Variants in AGAP9 observed in about 807,000 individuals in gnomAD.
AGAP9 encodes the protein ArfGAP with GTPase domain, ankyrin repeat and PH domain 9.
AGAP9 carries 23 observed loss-of-function variants against 55.6 expected under a neutral mutation model. The observed-to-expected ratio is 0.41, with a 90% confidence interval of 0.30 to 0.59. The LOEUF (loss-of-function observed/expected upper bound fraction) is 0.59. AGAP9 is among the 20% of genes least tolerant of loss of function. The pLI is 0.25. For missense variants in AGAP9, 309 were observed against 808.1 expected (o/e 0.38, Z 7.49); for synonymous variants, 120 against 305.0 (o/e 0.39, Z 6.32).
Position 47,506,488 on chromosome 10 carries a change from G to A in AGAP9, c.533+1060C>T, listed in dbSNP as rs1246526879. Among the ~76,000 whole-genome samples, 22 of 138,642 alleles carry A rather than the reference G, an allele frequency of 1.6e-4. 1 individual carries two copies. Among genetic ancestry groups the A allele is most frequent in the East Asian group, 1.2e-3 (4 of 3,388 alleles). 91.0% of individuals were successfully genotyped at this position (138,642 alleles called of 152,430 possible). On this transcript the variant is annotated intron_variant, in intron 6 of 7. Coordinates refer to ENST00000452145, the MANE Select transcript of AGAP9 (RefSeq NM_001190810.1). ...TGGGACTACAGGCATGCACCACCAC[G>A]CCCAGCCATTTTTTGTACTTTCAGT... is the stretch of plus-strand genomic sequence containing the variant.
intron 5 of AGAP9, among the ~76,000 whole-genome samples, chr10:47,508,984 A>G (rs1448430900): frequency 2.3e-5 from 3 of 132,458 alleles, no homozygotes; most frequent in African/African-American, 1.0e-4. Context: ...CTTGAAGCCA[A>G]TTTGCCCTAT....
rs1263527312 is a variant in AGAP9 at position 47,519,372 on chromosome 10, G to T, written c.361+1127C>A. ...AGTCCCAACTACTCGGGAGGCTGAG[G>T]CAGGAGAATTGCTTGAACCTGGGAG... On this transcript the variant is annotated intron_variant, in intron 3 of 7. Coordinates refer to ENST00000452145, the MANE Select transcript of AGAP9 (RefSeq NM_001190810.1). Among the ~76,000 whole-genome samples the T allele has an allele frequency of 6.3e-3, 745 of 118,058 alleles. 26 individuals are homozygous for T. Among genetic ancestry groups the T allele is most frequent in the Non-Finnish European group, 8.7e-3 (505 of 58,296 alleles). The allele number at this position is 118,058 out of a possible 152,430, so 77.5% of individuals were successfully genotyped here.
chr10:47,521,309 A>G (rs1424825180), intron 2 of AGAP9, among the ~76,000 whole-genome samples: 1 of 140,054 alleles, frequency 7.1e-6, no homozygotes, highest in Non-Finnish European at 1.5e-5. Context: ...AGCAGAGTAT[A>G]AGTTTATACA....
chr10:47,506,341 CT>C (rs1471806931), intron 6 of AGAP9, among the ~76,000 whole-genome samples: 1 of 138,248 alleles, frequency 7.2e-6, no homozygotes, highest in Non-Finnish European at 1.6e-5. Flanking sequence ...TTCTTTTTCT[CT>C]TTTTTTGAGA....
chr10:47,512,324 TA>T lies in AGAP9; in HGVS notation c.397-2054del, dbSNP rs1840642029. ...CCTGCTGCCTCTCATTTTAACCCAT[TA>T]AAAATACTAAAGTTGTTTTCCTTGT... On this transcript the variant is annotated intron_variant, in intron 4 of 7. Transcript: ENST00000452145. 1.6e-5 allele frequency among the ~76,000 whole-genome samples: 2 copies of T among 127,172 alleles called. 1 individual carries two copies. Among genetic ancestry groups the T allele is most frequent in the African/African-American group, 5.6e-5 (2 of 35,950 alleles). The allele number at this position is 127,172 out of a possible 152,430, so 83.4% of individuals were successfully genotyped here. A position where few individuals can be genotyped will look rare whatever the true frequency, so the allele number is the denominator to read the frequency against.
chr10:47,509,122 G>GA (rs1165126258), intron 5 of AGAP9, among the ~76,000 whole-genome samples: 3 of 136,300 alleles, frequency 2.2e-5, no homozygotes. Context: ...GAATAATGAG[G>GA]AAAAAAGCAC....
chr10:47,513,265 C>G (rs1487147489), intron 4 of AGAP9, among the ~76,000 whole-genome samples: 2 of 144,758 alleles, frequency 1.4e-5, no homozygotes, highest in Non-Finnish European at 3.0e-5. Flanking sequence ...GAACTCCTGA[C>G]CTCATGATCC....
chr10:47,518,588 G>C (rs1205749952), intron 3 of AGAP9, among the ~76,000 whole-genome samples: 1 of 111,520 alleles, frequency 9.0e-6, no homozygotes, highest in Non-Finnish European at 1.8e-5. Flanking sequence ...ATTTTTTTTT[G>C]TATTTTTAGT....
intron 3 of AGAP9, among the ~76,000 whole-genome samples, chr10:47,519,883 G>A (rs1252697936): frequency 1.5e-3 from 1 of 680 alleles, no homozygotes; most frequent in South Asian, 0.024. Context: ...TGTATGGCTT[G>A]TTGGCAAATA....
At chr10:47,519,742 G>A (rs1840787775) in intron 3 of AGAP9, among the ~76,000 whole-genome samples, 1 of 12,636 alleles carries the variant, frequency 7.9e-5, no homozygotes, top group Admixed American at 9.9e-4. Context: ...CTCAAGATGG[G>A]CAAAGTCTAC....
chr10:47,511,134 G>A lies in AGAP9; in HGVS notation c.397-863C>T, dbSNP rs1323877251. ...AACTTTTTGTATTTTTAGTAGAGAC[G>A]GGGTTTCACCGTGTTAGCCAGGATG... is the stretch of plus-strand genomic sequence containing the variant. On this transcript the variant is annotated intron_variant, in intron 4 of 7. Transcript: ENST00000452145. Among the ~76,000 whole-genome samples, 300 of 131,846 alleles carry A rather than the reference G, an allele frequency of 2.3e-3. 38 individuals are homozygous for A. Among genetic ancestry groups the A allele is most frequent in the Non-Finnish European group, 3.4e-3 (216 of 63,824 alleles). 86.5% of individuals were successfully genotyped at this position (131,846 alleles called of 152,430 possible).
intron 5 of AGAP9, among the ~76,000 whole-genome samples, chr10:47,508,066 T>C (rs1380783353): frequency 7.5e-6 from 1 of 133,882 alleles, no homozygotes; most frequent in African/African-American, 2.7e-5. Context: ...AGATAATTTT[T>C]TTTTTGGGGG....
At chr10:47,513,091 A>G (rs1276400686) in intron 4 of AGAP9, among the ~76,000 whole-genome samples, 2 of 144,720 alleles carry the variant, frequency 1.4e-5, no homozygotes, top group Admixed American at 1.4e-4. Flanking sequence ...GGAGTATGCA[A>G]TGCGGTGATC....
intron 5 of AGAP9, among the ~76,000 whole-genome samples, chr10:47,508,531 CG>C (rs1251786329): frequency 8.7e-6 from 1 of 115,344 alleles, no homozygotes; most frequent in Non-Finnish European, 1.7e-5. Context: ...AGCAGTTTCT[CG>C]TCCTAAACTC....
At chr10:47,516,690 C>G (rs1840721708) in intron 4 of AGAP9, among the ~76,000 whole-genome samples, 1 of 134,358 alleles carries the variant, frequency 7.4e-6, no homozygotes, top group South Asian at 2.3e-4. Context: ...TGACAAAAGG[C>G]CAAAGAAAGT....
rs1427653191 is a variant in AGAP9 at position 47,503,196 on chromosome 10, G to A, written c.933C>T (p.Gly311=). ...CTAAGCTTGAATAATAGGTGAGCAC[G>A]CCATTGGAACACAGGGTGACGTATT... ...KKKYVTLCSN[G]VLTYYSSLGD... Residue 311 remains glycine (G), a synonymous_variant, in exon 8 of 8, where the codon GGC becomes GGT. Coordinates refer to ENST00000452145, the MANE Select transcript of AGAP9 (RefSeq NM_001190810.1). 52 of 1,602,450 alleles carry A rather than the reference G, an allele frequency of 3.2e-5. No individual in the cohort carries two copies. The highest frequency in any genetic ancestry group is 1.2e-4 in the South Asian group (11 of 90,728).
intron 7 of AGAP9, among the ~76,000 whole-genome samples, chr10:47,503,937 C>CAAAAAAAAAAAAAAAAAAAAAA (rs1186798630): frequency 4.3e-5 from 1 of 23,442 alleles, no homozygotes; most frequent in Non-Finnish European, 6.8e-5. Context: ...GAGAGTCCAT[C>CAAAAAAAAAAAAAAAAAAAAAA]AAAAAAAAAA....
Position 47,513,639 on chromosome 10 carries a change from C to A in AGAP9, c.397-3368G>T, listed in dbSNP as rs1266306739. ...TGACATTACCTGATTTCAAACTATA[C>A]TATAAGGCCATAGTCGCCAAAATAG... On this transcript the variant is annotated intron_variant, in intron 4 of 7. Transcript: ENST00000452145. Among the ~76,000 whole-genome samples the A allele has an allele frequency of 1.4e-5, 2 of 140,236 alleles. 1 individual carries two copies. Among genetic ancestry groups the A allele is most frequent in the African/African-American group, 5.2e-5 (2 of 38,740 alleles). 92.0% of individuals were successfully genotyped at this position (140,236 alleles called of 152,430 possible).
In AGAP9 at chr10:47,516,637, C is replaced by T. The variant is rs1220138662; in HGVS notation, c.396+1186G>A. 2.9e-5 allele frequency among the ~76,000 whole-genome samples: 4 copies of T among 137,876 alleles called. 1 individual carries two copies. Among genetic ancestry groups the T allele is most frequent in the Non-Finnish European group, 6.1e-5 (4 of 65,116 alleles). 90.5% of individuals were successfully genotyped at this position (137,876 alleles called of 152,430 possible). On this transcript the variant is annotated intron_variant, in intron 4 of 7. Coordinates refer to ENST00000452145, the MANE Select transcript of AGAP9 (RefSeq NM_001190810.1). ...TAAGGAGTTAGCCCAGAAAAGCAGA[C>T]ATTGAGCATATCTAGGGAAACCCAC...
Sources: gnomAD v4.1 joint callset for allele counts (sites outside exome capture counted in the v4.1 genomes callset) on GRCh38, gnomAD v4.1.1 for gene constraint, MANE v1.5 for transcripts, NCBI Gene and HGNC (gene_info 2026-07-23, HGNC 2026-07-21) for gene names.